The following DDX1 variants were observed in gnomAD, a reference collection of about 807,000 sequenced individuals.
The protein encoded by DDX1 is ATP-dependent RNA helicase DDX1.
In DDX1, 28 loss-of-function variants were observed where a neutral mutation model predicts 108.7. The ratio of observed to expected loss-of-function variants is 0.26; its 90% CI spans 0.19 to 0.35. The LOEUF is 0.35. Ranked by LOEUF, DDX1 falls within the 10% of genes least tolerant of loss-of-function variation. DDX1 has a pLI of 1.00. For synonymous variants in DDX1, 295 were observed against 288.9 expected (o/e 1.02, Z -0.21); for missense variants, 710 against 884.5 (o/e 0.80, Z 2.50).
intron 14 of DDX1, among the ~76,000 whole-genome samples, chr2:15,615,737 G>A (rs1237051550): frequency 6.6e-6 from 1 of 152,122 alleles, no homozygotes; most frequent in East Asian, 1.9e-4. Flanking sequence ...ACAGGGTGGA[G>A]AAAACAGGTA....
intron 7 of DDX1, 101 bp downstream of exon 7, chr2:15,602,732 G>T (rs778981294): frequency 1.6e-4 from 148 of 902,596 alleles, no homozygotes; most frequent in Non-Finnish European, 2.5e-4. Context: ...ATGGAGTCTC[G>T]CACGTCGCCC....
chr2:15,607,337 A>G (rs780525620), intron 13 of DDX1, 24 bp downstream of exon 13: 2 of 1,608,954 alleles, frequency 1.2e-6, no homozygotes, highest in Middle Eastern at 1.7e-4. Context: ...TTGTGCTGAA[A>G]TGCTTATTGT....
chr2:15,597,506 A>AATCATTGGTTCTCATCACTGAC, intron 5 of DDX1, 35 bp downstream of exon 5: 1 of 1,352,926 alleles, frequency 7.4e-7, no homozygotes, highest in Non-Finnish European at 1.0e-6. Context: ...CTTTTATATA[A>AATCATTGGTTCTCATCACTGAC]ATCATTGGTT....
intron 19 of DDX1, 78 bp downstream of exon 19, chr2:15,623,660 A>G (rs1666046495): frequency 8.2e-7 from 1 of 1,221,060 alleles, no homozygotes. Context: ...GATGCAATCT[A>G]GAACACATGC....
intron 16 of DDX1, among the ~76,000 whole-genome samples, 198 bp from the exon 17 acceptor site, chr2:15,620,010 A>G (rs1264598151): frequency 3.3e-5 from 5 of 152,172 alleles, no homozygotes; most frequent in South Asian, 2.1e-4. Flanking sequence ...CATGATTTCT[A>G]TGTGACAGTG....
At position 15,620,983 on chromosome 2, in the gene DDX1, T is replaced by C. The variant is rs545308164; in HGVS notation, c.1396-82T>C. ...AATACAGTCTAAAGACAAATATAAATCTCCCTTTTAAAACATGACATATAT... is the reference window on the plus strand; with the variant it reads ...AATACAGTCTAAAGACAAATATAAACCTCCCTTTTAAAACATGACATATAT... On this transcript the variant is annotated intron_variant, in intron 17 of 25. Transcript: ENST00000233084. 2.1e-3 allele frequency: 1,766 copies of C among 852,866 alleles called. 6 individuals are homozygous for C. The highest frequency in any genetic ancestry group is 2.5e-3 in the Non-Finnish European group (1,319 of 526,168). The allele number at this position is 852,866 out of a possible 1,614,324, so 52.8% of individuals were successfully genotyped here. A position where few individuals can be genotyped will look rare whatever the true frequency, so the allele number is the denominator to read the frequency against.
At chr2:15,613,807 T>G (rs1441521903) in intron 14 of DDX1, among the ~76,000 whole-genome samples, 1 of 151,578 alleles carries the variant, frequency 6.6e-6, no homozygotes, top group Middle Eastern at 3.5e-3. Context: ...GGATCTGATC[T>G]CCACTGTTGG....
chr2:15,628,706 G>A lies in DDX1; in HGVS notation c.1828G>A (p.Glu610Lys). The A allele has an allele frequency of 6.2e-7, 1 of 1,609,966 alleles. No homozygotes were observed. Residue 610 changes from glutamate to lysine, a missense_variant, in exon 22 of 26, where the codon GAA (glutamate) becomes AAA (lysine). Coordinates refer to ENST00000233084, the MANE Select transcript of DDX1 (RefSeq NM_004939.3). ...VHRIGRVGRA[E>K]RMGLAISLVA... ...TCGAATTGGCAGAGTAGGAAGAGCTGAAAGGTACTTCTGCAATTTTTTTTC... is the reference window on the plus strand; with the variant it reads ...TCGAATTGGCAGAGTAGGAAGAGCTAAAAGGTACTTCTGCAATTTTTTTTC...
intron 13 of DDX1, among the ~76,000 whole-genome samples, chr2:15,611,753 T>C (rs1194987883): frequency 1.2e-5 from 1 of 81,054 alleles, no homozygotes; most frequent in Admixed American, 1.2e-4. Flanking sequence ...CCCCCCCACC[T>C]CCCTCCCGGA....
At chr2:15,609,068 T>C (rs554142222) in intron 13 of DDX1, among the ~76,000 whole-genome samples, 2 of 152,196 alleles carry the variant, frequency 1.3e-5, no homozygotes, top group East Asian at 3.9e-4. Context: ...GTGGGGATAG[T>C]GTGGAGGGGA....
intron 5 of DDX1, among the ~76,000 whole-genome samples, chr2:15,598,361 A>G (rs1419976121): frequency 6.6e-6 from 1 of 152,210 alleles, no homozygotes; most frequent in African/African-American, 2.4e-5. Flanking sequence ...AATTTGTAAC[A>G]ACTGTGCCGT....
chr2:15,606,301 T>A (rs1204853130), intron 12 of DDX1, 37 bp downstream of exon 12: 2 of 1,433,376 alleles, frequency 1.4e-6, no homozygotes, highest in Non-Finnish European at 2.0e-6. Context: ...TCTAGAATAG[T>A]GAGAATAATT....
chr2:15,593,502 A>G lies in DDX1; in HGVS notation c.16+1553A>G, dbSNP rs79766822. On this transcript the variant is annotated intron_variant, in intron 1 of 25. Transcript: ENST00000233084. ...AGTATTATACTTAAGGTCCGCTTTC[A>G]AAGAAAACTTGCAGGGAACATGACC... Among the ~76,000 whole-genome samples, 1,353 of 152,356 alleles carry G rather than the reference A, an allele frequency of 8.9e-3. 9 individuals carry two copies. The highest frequency in any genetic ancestry group is 0.02 in the Middle Eastern group (6 of 294).
chr2:15,596,505 C>T (rs1489595246), intron 3 of DDX1, among the ~76,000 whole-genome samples: 1 of 152,012 alleles, frequency 6.6e-6, no homozygotes, highest in African/African-American at 2.4e-5. Flanking sequence ...ATGAGAGCTT[C>T]CGTTTGAATG....
At chr2:15,592,059 AG>A in intron 1 of DDX1, 110 bp downstream of exon 1, 4 of 1,055,364 alleles carry the variant, frequency 3.8e-6, no homozygotes, top group Non-Finnish European at 5.1e-6. Flanking sequence ...TCAGGGAGAC[AG>A]AAGGGCGCTG....
chr2:15,630,497 T>C (rs1188558579), intron 25 of DDX1, among the ~76,000 whole-genome samples: 1 of 152,234 alleles, frequency 6.6e-6, no homozygotes, highest in African/African-American at 2.4e-5. Flanking sequence ...TTTTGTTAGC[T>C]TGTTCCTGAA....
Position 15,623,582 on chromosome 2 carries a change from G to A in DDX1, c.1594G>A (p.Gly532Arg). 6.2e-7 allele frequency: 1 copy of A among 1,611,486 alleles called. No individual in the cohort carries two copies. The highest frequency in any genetic ancestry group is 1.1e-5 in the South Asian group (1 of 90,772). Residue 532 changes from glycine (G) to arginine (R), a missense_variant and splice_region_variant, in exon 19 of 26, where the codon GGA (glycine) becomes AGA (arginine). Gly to Arg is a moderately radical substitution (Grantham distance 125, BLOSUM62 -2). Coordinates refer to ENST00000233084, the MANE Select transcript of DDX1 (RefSeq NM_004939.3). ...LEQYFIQQGG[G>R]PDKKGHQFSC... is the part of the protein sequence containing the mutation. ...GCAGTACTTTATACAACAAGGAGGAGGTAATTTTTTCTCACTTGAAATAAA... is the reference window on the plus strand; with the variant it reads ...GCAGTACTTTATACAACAAGGAGGAAGTAATTTTTTCTCACTTGAAATAAA...
intron 6 of DDX1, among the ~76,000 whole-genome samples, chr2:15,600,651 G>A (rs1486744872): frequency 6.6e-6 from 1 of 151,866 alleles, no homozygotes; most frequent in African/African-American, 2.4e-5. Context: ...CTCACATCAA[G>A]GGCTGACCCA....
intron 13 of DDX1, among the ~76,000 whole-genome samples, chr2:15,612,745 C>G (rs112023042): frequency 0.24 from 35,899 of 151,708 alleles, 5,035 homozygotes; most frequent in African/African-American, 0.41. Context: ...GAGACTCCGT[C>G]TGCAATCCCG....
Sources: allele counts gnomAD v4.1 joint callset (sites outside exome capture counted in the v4.1 genomes callset), GRCh38; gene constraint gnomAD v4.1.1; transcripts MANE v1.5; gene names NCBI Gene and HGNC (gene_info 2026-07-23, HGNC 2026-07-21).